Variants in DCHS1 observed in about 807,000 individuals in gnomAD.
DCHS1 encodes protocadherin-16.
A neutral mutation model predicts 213.9 loss-of-function variants in DCHS1; 78 were observed. The observed-to-expected ratio is 0.36, with a 90% confidence interval of 0.30 to 0.44. The LOEUF is 0.44. Ranked by LOEUF, DCHS1 falls within the 20% of genes least tolerant of loss-of-function variation. The probability of loss-of-function intolerance (pLI) is 1.00; values close to 1 mark genes in which losing one functional copy is unlikely to be tolerated. For synonymous variants in DCHS1, 1,828 were observed against 1,873.7 expected, an observed-to-expected ratio of 0.98 and a Z score of 0.63; for missense variants, 3,946 against 4,395.9, an observed-to-expected ratio of 0.90 and a Z score of 2.89.
chr11:6,637,090 C>G (rs1030051865), intron 2 of DCHS1, among the ~76,000 whole-genome samples: 5 of 152,180 alleles, frequency 3.3e-5, no homozygotes, highest in Non-Finnish European at 5.9e-5. Context: ...TTTGTCTGTT[C>G]CTTTCCATCA....
rs1311465752 is a variant in DCHS1, at chr11:6,625,199, T to C, written c.7145A>G (p.Gln2382Arg). The change falls in exon 19 of 21, where the codon CAG becomes CGG. Residue 2382 changes from glutamine to arginine, a missense_variant and splice_region_variant. This residue lies in a region of DCHS1 where 3,384 missense variants were observed against 3,780.1 expected (regional missense o/e 0.90). Coordinates refer to ENST00000299441, the MANE Select transcript of DCHS1 (RefSeq NM_003737.4). The surrounding 1 kb of genome is among the most constrained non-coding windows in gnomAD (Gnocchi z 5.3). ...AGGTGGATCCATGGGTGTCAATACCTGGTAGAGGCTCTGTGAGAAGGCAGG... is the reference window on the plus strand; with the variant it reads ...AGGTGGATCCATGGGTGTCAATACCCGGTAGAGGCTCTGTGAGAAGGCAGG... Reference protein sequence around the residue: ...NAPAFSQSLYQVMLLEHTPPG... With the variant: ...NAPAFSQSLYRVMLLEHTPPG... The C allele has an allele frequency of 6.3e-7, 1 of 1,583,338 alleles. No homozygotes were observed. The highest frequency in any genetic ancestry group is 8.6e-7 in the Non-Finnish European group (1 of 1,163,422).
rs10458926 is a variant in DCHS1, at chr11:6,624,877, T to C, written c.7147-9A>G. On this transcript the variant is annotated splice_polypyrimidine_tract_variant and intron_variant, in intron 19 of 20. Transcript: ENST00000299441. ...TGCTCAAGCAGCATTACCTGAAGTG[T>C]GAGGAAAAGTGCTTATTGCCAGGCT... is the stretch of plus-strand genomic sequence containing the variant. The C allele has an allele frequency of 0.17, 274,863 of 1,612,860 alleles. 24,624 individuals are homozygous for C. The highest frequency in any genetic ancestry group is 0.34 in the East Asian group (15,310 of 44,802).
Position 6,628,633 on chromosome 11 carries a change from A to G in DCHS1, c.5359T>C (p.Tyr1787His), listed in dbSNP as rs1855849893. Reference protein sequence around the residue: ...PDVGANGQLQYRILDGDPSGA... With the variant: ...PDVGANGQLQHRILDGDPSGA... ...GGAAGGTTCTCACCTAGGATGCGGT[A>G]CTGCAACTGCCCATTGGCTCCCACA... The change falls in exon 13 of 21, where the codon TAC (tyrosine) becomes CAC (histidine). Residue 1787 changes from tyrosine to histidine, a missense_variant. Physicochemically the swap from Tyr to His is moderately conservative, Grantham distance 83. Coordinates refer to ENST00000299441, the MANE Select transcript of DCHS1 (RefSeq NM_003737.4). The surrounding 1 kb of genome is among the most constrained non-coding windows in gnomAD (Gnocchi z 4.3). 6.2e-7 allele frequency: 1 copy of G among 1,614,032 alleles called. No individual in the cohort carries two copies. The highest frequency in any genetic ancestry group is 8.5e-7 in the Non-Finnish European group (1 of 1,179,890).
intron 2 of DCHS1, among the ~76,000 whole-genome samples, chr11:6,634,753 C>T (rs1855964386): frequency 6.7e-6 from 1 of 149,872 alleles, no homozygotes; most frequent in Non-Finnish European, 1.5e-5. Context: ...ACAGTGAAAT[C>T]ATCAGCTTTT....
chr11:6,629,773 T>G lies in DCHS1; in HGVS notation c.4934A>C (p.Glu1645Ala). 1 of 1,613,720 alleles carries G rather than the reference T, an allele frequency of 6.2e-7. No homozygotes were observed. Among genetic ancestry groups the G allele is most frequent in the Non-Finnish European group, 8.5e-7 (1 of 1,179,890 alleles). Residue 1645 changes from glutamate to alanine, a missense_variant, in exon 11 of 21, where the codon GAG (glutamate) becomes GCG (alanine). This residue lies in a region of DCHS1 where 3,384 missense variants were observed against 3,780.1 expected (regional missense o/e 0.90). Coordinates refer to ENST00000299441, the MANE Select transcript of DCHS1 (RefSeq NM_003737.4). ...LTVSVADVND[E>A]APTFQQQEYS... The stretch of plus-strand genomic sequence containing the variant: ...CTCCTGCTGCTGGAAAGTAGGCGCC[T>G]CGTCGTTGACGTCAGCGACACTGAC...
Position 6,622,903 on chromosome 11 carries a change from T to C in DCHS1, c.8773A>G (p.Thr2925Ala). The C allele has an allele frequency of 6.3e-7, 1 of 1,596,806 alleles. No homozygotes were observed. The highest frequency in any genetic ancestry group is 8.5e-7 in the Non-Finnish European group (1 of 1,171,814). Residue 2925 changes from threonine to alanine, a missense_variant, in exon 21 of 21, where the codon ACC becomes GCC. Transcript: ENST00000299441. The surrounding 1 kb of genome is among the most constrained non-coding windows in gnomAD (Gnocchi z 5.4). ...TVPVTVDITH[T>A]ALGLAPDLNL... Reference sequence around the variant, plus strand: ...AGGTCAGGTGCCAGGCCCAGTGCGGTGTGGGTGATATCCACGGTCACAGGC... The same window carrying C: ...AGGTCAGGTGCCAGGCCCAGTGCGGCGTGGGTGATATCCACGGTCACAGGC...
intron 1 of DCHS1, among the ~76,000 whole-genome samples, chr11:6,655,304 C>A (rs1203858262): frequency 1.3e-5 from 2 of 152,092 alleles, no homozygotes; most frequent in Non-Finnish European, 1.5e-5. Context: ...GAACACAACG[C>A]TGTCGCACCC....
chr11:6,644,588 G>C (rs531715192), intron 1 of DCHS1, among the ~76,000 whole-genome samples: 127 of 152,354 alleles, frequency 8.3e-4, no homozygotes, highest in African/African-American at 2.9e-3. Context: ...TCATGTGTCT[G>C]CCCTCTGCAC....
At position 6,634,101 on chromosome 11, in the gene DCHS1, T is replaced by A. The variant is rs2659869; in HGVS notation, c.1986+17A>T. The A allele has an allele frequency of 0.38, 604,184 of 1,597,090 alleles. 114,821 individuals carry two copies. Among genetic ancestry groups the A allele is most frequent in the East Asian group, 0.46 (20,520 of 44,660 alleles). Reference sequence around the variant, plus strand: ...CCTACCCCAACATCCCAACCTGCCCTTGGTCTACTGACTTACCCCATCCAC... The same window carrying A: ...CCTACCCCAACATCCCAACCTGCCCATGGTCTACTGACTTACCCCATCCAC... On this transcript the variant is annotated intron_variant, in intron 3 of 20. Coordinates refer to ENST00000299441, the MANE Select transcript of DCHS1 (RefSeq NM_003737.4).
At chr11:6,648,088 G>A (rs542404859) in intron 1 of DCHS1, among the ~76,000 whole-genome samples, 24 of 152,202 alleles carry the variant, frequency 1.6e-4, no homozygotes, top group Non-Finnish European at 3.4e-4. Context: ...ATTTTGGGGG[G>A]TGACTGTTGG....
At chr11:6,624,488 A>G in intron 20 of DCHS1, 98 bp from the exon 21 acceptor site, 1 of 1,388,460 alleles carries the variant, frequency 7.2e-7, no homozygotes, top group Non-Finnish European at 9.6e-7. Context: ...TTTGGAAGTC[A>G]GACTCAGGGA....
Position 6,623,696 on chromosome 11 carries a change from T to C in DCHS1, c.7980A>G (p.Arg2660=), listed in dbSNP as rs749078667. Residue 2660 remains arginine (R), a synonymous_variant, in exon 21 of 21, where the codon CGA becomes CGG. Transcript: ENST00000299441. ...TCTCACAGTCCAGGGCATGGGCCAGTCGCAAGGTGCCTGAGCTCTCATCCA... is the reference window on the plus strand; with the variant it reads ...TCTCACAGTCCAGGGCATGGGCCAGCCGCAAGGTGCCTGAGCTCTCATCCA... ...FELDESSGTL[R]LAHALDCETQ... is the part of the protein sequence containing the mutation. The C allele has an allele frequency of 1.2e-6, 2 of 1,613,756 alleles. No individual in the cohort carries two copies. The highest frequency in any genetic ancestry group is 3.3e-5 in the Admixed American group (2 of 60,020).
Position 6,626,657 on chromosome 11 carries a change from TAGG to T in DCHS1, c.6256_6258del (p.Pro2086del). The T allele has an allele frequency of 1.9e-6, 3 of 1,613,762 alleles. No homozygotes were observed. The highest frequency in any genetic ancestry group is 2.5e-6 in the Non-Finnish European group (3 of 1,179,794). ...GCATGGACGGCCCTGGGGGAGACAA[TAGG>T]AGTCCCTGCAGAAAGAACGGTATTG... On this transcript the variant is annotated inframe_deletion, in exon 15 of 21. Transcript: ENST00000299441. This position sits in a 1 kb window ranked among gnomAD's most constrained non-coding sequence, Gnocchi z 5.2.
chr11:6,631,980 C>A, intron 6 of DCHS1, 51 bp downstream of exon 6: 1 of 1,482,258 alleles, frequency 6.7e-7, no homozygotes. Flanking sequence ...GAATGTTCAC[C>A]AGGCTGGGGA....
chr11:6,635,053 C>G (rs1268244729), intron 2 of DCHS1: 1 of 152,166 alleles, frequency 6.6e-6, no homozygotes, highest in Non-Finnish European at 1.5e-5. Context: ...CCAGGTGGGT[C>G]CAGGAAGTTA....
chr11:6,630,957 T>C, intron 9 of DCHS1, 94 bp from the exon 10 acceptor site: 1 of 1,515,290 alleles, frequency 6.6e-7, no homozygotes, highest in East Asian at 2.3e-5. Context: ...GTGGTCAGAG[T>C]AGCCTGACTG....
In DCHS1 at chr11:6,639,813, C is replaced by T. The variant is rs766343299; in HGVS notation, c.1797+4G>A. 2.5e-6 allele frequency: 4 copies of T among 1,584,970 alleles called. No individual in the cohort carries two copies. Among genetic ancestry groups the T allele is most frequent in the Non-Finnish European group, 3.4e-6 (4 of 1,162,474 alleles). On this transcript the variant is annotated splice_donor_region_variant and intron_variant, in intron 2 of 20. Coordinates refer to ENST00000299441, the MANE Select transcript of DCHS1 (RefSeq NM_003737.4). ...CTATCTTGCTATGTGCCAGGCCTACCCACCTGCAGGAAGCAAGTTCCAGGC... is the reference window on the plus strand; with the variant it reads ...CTATCTTGCTATGTGCCAGGCCTACTCACCTGCAGGAAGCAAGTTCCAGGC...
Position 6,623,717 on chromosome 11 carries a change from A to T in DCHS1, c.7959T>A (p.Asp2653Glu), listed in dbSNP as rs1855744517. Residue 2653 changes from aspartate (D) to glutamate (E), a missense_variant, in exon 21 of 21, where the codon GAT becomes GAA. By Grantham distance (45) the Asp-to-Glu change is conservative. Around this residue, in one of 3 missense-constraint regions of DCHS1, gnomAD observed 3,384 missense variants for 3,780.1 expected, o/e 0.90. Transcript: ENST00000299441. ...CCAGTCGCAAGGTGCCTGAGCTCTC[A>T]TCCAGCTCAAAGAGCCCTGATGGGT... ...SGDPSGLFELDESSGTLRLAH... is the reference protein window; with the variant it reads ...SGDPSGLFELEESSGTLRLAH... 2.5e-6 allele frequency: 4 copies of T among 1,613,666 alleles called. No individual in the cohort carries two copies. The highest frequency in any genetic ancestry group is 3.4e-6 in the Non-Finnish European group (4 of 1,179,820).
At position 6,622,683 on chromosome 11, in the gene DCHS1, G is replaced by A. The variant is rs755830203; in HGVS notation, c.8993C>T (p.Pro2998Leu). Reference sequence around the variant, plus strand: ...AGTCTGGTGATAGAGGTGCTCAGAGGGTGGTGGACTAGGTGGCTCCCGGCC... The same window carrying A: ...AGTCTGGTGATAGAGGTGCTCAGAGAGTGGTGGACTAGGTGGCTCCCGGCC... The part of the protein sequence containing the change: ...KLGREPPSPP[P>L]SEHLYHQTLP... Residue 2998 changes from proline (P) to leucine (L), a missense_variant, in exon 21 of 21, where the codon CCC becomes CTC. Pro to Leu is a moderately conservative substitution (Grantham distance 98). Coordinates refer to ENST00000299441, the MANE Select transcript of DCHS1 (RefSeq NM_003737.4). This position sits in a 1 kb window ranked among gnomAD's most constrained non-coding sequence, Gnocchi z 5.4. The A allele has an allele frequency of 5.0e-6, 8 of 1,594,204 alleles. No homozygotes were observed. The East Asian group carries it at 1.1e-4, about 23-fold the overall frequency.
Sources: allele counts gnomAD v4.1 joint callset (sites outside exome capture counted in the v4.1 genomes callset), GRCh38; gene constraint gnomAD v4.1.1; regional missense constraint gnomAD v4.1.1; non-coding constraint Gnocchi (gnomAD v3.1); transcripts MANE v1.5; gene names NCBI Gene and HGNC (gene_info 2026-07-23, HGNC 2026-07-21).